Variants in ANKRD13C observed in about 807,000 individuals in gnomAD.
ANKRD13C encodes ankyrin repeat domain-containing protein 13C.
Under a neutral mutation model 65.5 loss-of-function variants are expected in ANKRD13C, and 16 were observed. That is an observed-to-expected ratio of 0.24 (90% CI 0.17 to 0.37). The LOEUF (loss-of-function observed/expected upper bound fraction) is 0.37. Ranked by LOEUF, ANKRD13C falls within the 10% of genes least tolerant of loss-of-function variation. The pLI, the probability that ANKRD13C is intolerant of heterozygous loss-of-function variation, is 1.00. For missense variants in ANKRD13C, 503 were observed against 655.9 expected (o/e 0.77, Z 2.55); for synonymous variants, 235 against 238.7 (o/e 0.98, Z 0.14).
At chr1:70,339,519 A>G (rs1267186601) in intron 1 of ANKRD13C, among the ~76,000 whole-genome samples, 1 of 151,716 alleles carries the variant, frequency 6.6e-6, no homozygotes, top group Non-Finnish European at 1.5e-5. Flanking sequence ...AGGCTTCACC[A>G]TGTTGCCCAG....
intron 5 of ANKRD13C, among the ~76,000 whole-genome samples, chr1:70,313,434 C>A (rs1045085320): frequency 6.7e-6 from 1 of 150,112 alleles, no homozygotes. Context: ...GGAGGCTGAG[C>A]GGGGAGGACT....
intron 3 of ANKRD13C, among the ~76,000 whole-genome samples, chr1:70,317,846 G>A (rs1486400424): frequency 1.3e-5 from 2 of 151,918 alleles, no homozygotes; most frequent in Non-Finnish European, 2.9e-5. Flanking sequence ...TCAATTCCTA[G>A]ATAAAAAGGG....
chr1:70,292,752 T>C (rs1291232213), intron 8 of ANKRD13C, among the ~76,000 whole-genome samples: 2 of 152,174 alleles, frequency 1.3e-5, no homozygotes, highest in Non-Finnish European at 2.9e-5. Flanking sequence ...CACAAAAGCA[T>C]ACATTTCAAA....
At chr1:70,331,168 C>T (rs1236511683) in intron 2 of ANKRD13C, among the ~76,000 whole-genome samples, 2 of 152,084 alleles carry the variant, frequency 1.3e-5, no homozygotes, top group Non-Finnish European at 2.9e-5. Context: ...ACGTGCCCTT[C>T]AACAATGAAA....
chr1:70,269,889 G>C (rs1678802071), intron 12 of ANKRD13C, among the ~76,000 whole-genome samples: 1 of 152,170 alleles, frequency 6.6e-6, no homozygotes, highest in African/African-American at 2.4e-5. Context: ...TACATCTGAA[G>C]AATTACAGCA....
intron 3 of ANKRD13C, among the ~76,000 whole-genome samples, chr1:70,318,115 T>C (rs1681148220): frequency 6.6e-6 from 1 of 152,160 alleles, no homozygotes; most frequent in Non-Finnish European, 1.5e-5. Context: ...AACTCAAACT[T>C]CTTATGGATG....
At chr1:70,301,039 G>A in intron 6 of ANKRD13C, 131 bp from the exon 7 acceptor site, 14 of 821,452 alleles carry the variant, frequency 1.7e-5, no homozygotes, top group Middle Eastern at 3.7e-4. Context: ...CAAATTTATA[G>A]ATAAAAACAA....
intron 9 of ANKRD13C, among the ~76,000 whole-genome samples, chr1:70,282,825 A>G (rs193199689): frequency 9.8e-5 from 15 of 152,328 alleles, no homozygotes; most frequent in East Asian, 9.6e-4. Flanking sequence ...AGCAAAGACT[A>G]ATCCCATACC....
chr1:70,270,884 C>G lies in ANKRD13C; in HGVS notation c.1467G>C (p.Lys489Asn), dbSNP rs777795795. The change falls in exon 12 of 13, where the codon AAG (lysine) becomes AAC (asparagine). Residue 489 changes from lysine (K) to asparagine (N), a missense_variant. Lys to Asn is a moderately conservative substitution (Grantham distance 94). Coordinates refer to ENST00000370944, the MANE Select transcript of ANKRD13C (RefSeq NM_030816.5). The part of the protein sequence containing the change: ...FNKLREFVQM[K>N]LPPGFPVKLD... ...ATTTTACAGGAAAGCCTGGAGGAAG[C>G]TTCATCTGAACAAATTCTCTAAGCT... 1 of 1,612,480 alleles carries G rather than the reference C, an allele frequency of 6.2e-7. No homozygotes were observed. Among genetic ancestry groups the G allele is most frequent in the Non-Finnish European group, 8.5e-7 (1 of 1,179,152 alleles).
chr1:70,309,073 C>T (rs1202884674), intron 5 of ANKRD13C, among the ~76,000 whole-genome samples: 7 of 148,546 alleles, frequency 4.7e-5, no homozygotes, highest in Non-Finnish European at 8.9e-5. Context: ...GACAGAGTGT[C>T]GCTCTGTCAC....
intron 1 of ANKRD13C, among the ~76,000 whole-genome samples, chr1:70,348,406 C>T (rs150000570): frequency 6.6e-6 from 1 of 152,204 alleles, no homozygotes; most frequent in Non-Finnish European, 1.5e-5. Context: ...GCTAGGATTA[C>T]AGGTGCGCGC....
intron 1 of ANKRD13C, among the ~76,000 whole-genome samples, chr1:70,344,011 C>T (rs1056072592): frequency 3.9e-5 from 6 of 152,008 alleles, no homozygotes; most frequent in Admixed American, 3.9e-4. Context: ...TAAAAATTAG[C>T]TGGGGGCTGG....
chr1:70,350,737 CAA>C (rs1381035331), intron 1 of ANKRD13C, among the ~76,000 whole-genome samples: 2 of 152,182 alleles, frequency 1.3e-5, no homozygotes, highest in Admixed American at 6.5e-5. Context: ...GAAATACTTA[CAA>C]AGAGGTTCAT....
At chr1:70,276,628 G>T (rs1016293595) in intron 10 of ANKRD13C, 137 bp downstream of exon 10, 3 of 712,702 alleles carry the variant, frequency 4.2e-6, no homozygotes, top group African/African-American at 3.6e-5. Flanking sequence ...ATTTTTAAAA[G>T]GTAGAAGAAT....
intron 2 of ANKRD13C, among the ~76,000 whole-genome samples, chr1:70,333,635 C>T (rs954532697): frequency 6.6e-6 from 1 of 152,100 alleles, no homozygotes; most frequent in Non-Finnish European, 1.5e-5. Context: ...CAGAAATTTG[C>T]GAACCTAAGA....
intron 1 of ANKRD13C, among the ~76,000 whole-genome samples, chr1:70,336,807 T>C (rs752428144): frequency 9.2e-5 from 14 of 152,094 alleles, no homozygotes; most frequent in Non-Finnish European, 1.9e-4. Context: ...AAGAATGATA[T>C]TGGAATGATG....
At chr1:70,331,997 GAAAAAAAGC>G (rs1681829217) in intron 2 of ANKRD13C, among the ~76,000 whole-genome samples, 1 of 151,752 alleles carries the variant, frequency 6.6e-6, no homozygotes, top group African/African-American at 2.4e-5. Flanking sequence ...AAGATCATAA[GAAAAAAAGC>G]AAAAAAAGGG....
intron 3 of ANKRD13C, among the ~76,000 whole-genome samples, chr1:70,323,035 G>C (rs1681377928): frequency 6.6e-6 from 1 of 151,966 alleles, no homozygotes; most frequent in South Asian, 2.1e-4. Flanking sequence ...AGTCACACTA[G>C]ACAGAAACCC....
chr1:70,274,139 T>C (rs1679018882), intron 11 of ANKRD13C, among the ~76,000 whole-genome samples: 1 of 152,132 alleles, frequency 6.6e-6, no homozygotes, highest in African/African-American at 2.4e-5. Flanking sequence ...TTTGGATTTT[T>C]TTAAAACAAG....
Sources: gnomAD v4.1 joint callset for allele counts (sites outside exome capture counted in the v4.1 genomes callset) on GRCh38, gnomAD v4.1.1 for gene constraint, MANE v1.5 for transcripts, NCBI Gene and HGNC (gene_info 2026-07-23, HGNC 2026-07-21) for gene names.